RPAP2: variants seen among roughly 807,000 people sequenced by gnomAD.
The protein encoded by RPAP2 is putative RNA polymerase II subunit B1 CTD phosphatase RPAP2.
In RPAP2, 52 loss-of-function variants were observed where a neutral mutation model predicts 73.1. The observed-to-expected ratio is 0.71, with a 90% CI of 0.57 to 0.90. The LOEUF (loss-of-function observed/expected upper bound fraction) is 0.90. Ranked by LOEUF, RPAP2 falls within the 40% of genes least tolerant of loss-of-function variation. The pLI is 0.00. For missense variants in RPAP2, 598 were observed against 701.8 expected (o/e 0.85, Z 1.67); for synonymous variants, 225 against 242.1 (o/e 0.93, Z 0.65).
At chr1:92,377,356 T>C (rs12141318) in intron 11 of RPAP2, among the ~76,000 whole-genome samples, 2,338 of 151,928 alleles carry the variant, frequency 0.015, 35 homozygotes, top group Non-Finnish European at 0.025. Context: ...ACTTCTCTAC[T>C]AAAAATACAA....
chr1:92,379,667 G>A (rs751887701), intron 11 of RPAP2, among the ~76,000 whole-genome samples: 2 of 152,164 alleles, frequency 1.3e-5, no homozygotes, highest in African/African-American at 2.4e-5. Context: ...AGGCGTGGTG[G>A]CTCACGCTTG....
At chr1:92,386,428 A>G (rs1053838231) in intron 12 of RPAP2, among the ~76,000 whole-genome samples, 2 of 152,176 alleles carry the variant, frequency 1.3e-5, no homozygotes, top group African/African-American at 4.8e-5. Flanking sequence ...GGTCATGGGA[A>G]TGCTGTGAGC....
chr1:92,335,688 A>T (rs934482603), intron 9 of RPAP2, among the ~76,000 whole-genome samples: 1 of 152,160 alleles, frequency 6.6e-6, no homozygotes, highest in Non-Finnish European at 1.5e-5. Context: ...ATCTATCATG[A>T]ATATCTTTTT....
chr1:92,358,864 G>C (rs1654610597), intron 11 of RPAP2, among the ~76,000 whole-genome samples: 1 of 152,110 alleles, frequency 6.6e-6, no homozygotes, highest in Non-Finnish European at 1.5e-5. Flanking sequence ...TGGGATTACA[G>C]GTGTGAGCCA....
intron 6 of RPAP2, among the ~76,000 whole-genome samples, chr1:92,316,528 T>A (rs1651914134): frequency 6.6e-6 from 1 of 152,220 alleles, no homozygotes; most frequent in African/African-American, 2.4e-5. Context: ...TAGATTTACT[T>A]TGCTAAAATG....
chr1:92,360,296 G>A (rs527744154), intron 11 of RPAP2, among the ~76,000 whole-genome samples: 11 of 151,792 alleles, frequency 7.2e-5, no homozygotes, highest in African/African-American at 2.7e-4. Context: ...CAATTAGGTG[G>A]TGTGGGTAAC....
At chr1:92,300,881 G>A (rs115340020) in intron 2 of RPAP2, among the ~76,000 whole-genome samples, 2,604 of 152,218 alleles carry the variant, frequency 0.017, 31 homozygotes, top group Non-Finnish European at 0.027. Context: ...TTGCCTAGTG[G>A]AACAGAGGAA....
At chr1:92,345,758 C>T in intron 10 of RPAP2, 88 bp from the exon 11 acceptor site, 1 of 813,176 alleles carries the variant, frequency 1.2e-6, no homozygotes, top group Middle Eastern at 2.8e-4. Flanking sequence ...TTCTTTGGCA[C>T]ATTATTATAA....
In RPAP2 at chr1:92,337,363, G is replaced by C. The variant is rs77837281; in HGVS notation, c.1619+936G>C. Among the ~76,000 whole-genome samples the C allele has an allele frequency of 2.6e-3, 394 of 152,096 alleles. 3 individuals are homozygous for C. Among genetic ancestry groups the C allele is most frequent in the South Asian group, 9.3e-3 (45 of 4,826 alleles). On this transcript the variant is annotated intron_variant, in intron 10 of 12. Transcript: ENST00000610020. The stretch of plus-strand genomic sequence containing the variant: ...ACCTAATAGACATCATTTTAAACTG[G>C]CAAATTTAAAAACATCAGTAACCTT...
intron 3 of RPAP2, among the ~76,000 whole-genome samples, chr1:92,302,371 T>C (rs1650911881): frequency 6.6e-6 from 1 of 151,734 alleles, no homozygotes; most frequent in Non-Finnish European, 1.5e-5. Flanking sequence ...TTACCCTTAG[T>C]CATAGTTCTT....
rs71091273 is a variant in RPAP2, at chr1:92,305,432, C to CAAAAAAAAAAAAAAAAAAAAAAAAAAA, written c.399+1102_399+1103insAAAAAAAAAAAAAAAAAAAAAAAAAAA. On this transcript the variant is annotated intron_variant, in intron 5 of 12. Coordinates refer to ENST00000610020, the MANE Select transcript of RPAP2 (RefSeq NM_024813.3). ...GGGGCAACAGAGTGAGGCTCCGTCT[C>CAAAAAAAAAAAAAAAAAAAAAAAAAAA]AAAAAAAAAAAAAAAAAAAGACAAT... Among the ~76,000 whole-genome samples, 155 of 52,646 alleles carry CAAAAAAAAAAAAAAAAAAAAAAAAAAA rather than the reference C, an allele frequency of 2.9e-3. 5 individuals are homozygous for CAAAAAAAAAAAAAAAAAAAAAAAAAAA. The highest frequency in any genetic ancestry group is 8.3e-3 in the East Asian group (6 of 726). The allele number at this position is 52,646 out of a possible 152,430, so 34.5% of individuals were successfully genotyped here. A position where few individuals can be genotyped will look rare whatever the true frequency, so the allele number is the denominator to read the frequency against.
At chr1:92,344,354 G>A (rs1286196585) in intron 10 of RPAP2, among the ~76,000 whole-genome samples, 2 of 152,150 alleles carry the variant, frequency 1.3e-5, no homozygotes, top group African/African-American at 4.8e-5. Context: ...GCAGTGAGCT[G>A]AGAGCATGCC....
intron 3 of RPAP2, among the ~76,000 whole-genome samples, chr1:92,302,711 C>A (rs937413708): frequency 5.4e-5 from 8 of 147,680 alleles, no homozygotes; most frequent in African/African-American, 2.0e-4. Context: ...ACGCCATTCT[C>A]CTGCCTCAGC....
At chr1:92,364,395 T>G (rs977697776) in intron 11 of RPAP2, among the ~76,000 whole-genome samples, 1 of 151,924 alleles carries the variant, frequency 6.6e-6, no homozygotes, top group Non-Finnish European at 1.5e-5. Context: ...AAAAGTAGAG[T>G]TACCTAGAAA....
At chr1:92,330,007 C>A (rs113994392) in intron 8 of RPAP2, among the ~76,000 whole-genome samples, 2,124 of 152,238 alleles carry the variant, frequency 0.014, 49 homozygotes, top group African/African-American at 0.048. Context: ...CCCTCACCAC[C>A]CCTAGACCTC....
chr1:92,326,073 G>A (rs1462431891), intron 8 of RPAP2, among the ~76,000 whole-genome samples: 15 of 151,672 alleles, frequency 9.9e-5, no homozygotes, highest in South Asian at 2.1e-4. Flanking sequence ...TATCGTATAT[G>A]CATATATGCA....
At position 92,373,770 on chromosome 1, in the gene RPAP2, A is replaced by AT. The variant is rs1557630371; in HGVS notation, c.1689-6954_1689-6953insT. The stretch of plus-strand genomic sequence containing the variant: ...AAAAAAAAAAAAAAAAAAAAAAAAA[A>AT]GTAGCCAGGCGTGGTGGTGGCGCAC... On this transcript the variant is annotated intron_variant, in intron 11 of 12. Coordinates refer to ENST00000610020, the MANE Select transcript of RPAP2 (RefSeq NM_024813.3). Among the ~76,000 whole-genome samples, 5 of 138,398 alleles carry AT rather than the reference A, an allele frequency of 3.6e-5. No individual in the cohort carries two copies. The South Asian group carries it at 6.9e-4, about 19-fold the overall frequency. The allele number at this position is 138,398 out of a possible 152,430, so 90.8% of individuals were successfully genotyped here.
chr1:92,381,652 A>G (rs994933134), intron 12 of RPAP2, among the ~76,000 whole-genome samples: 3 of 151,644 alleles, frequency 2.0e-5, no homozygotes, highest in Non-Finnish European at 4.4e-5. Context: ...TAAAATAAAA[A>G]TTAAGCAATA....
chr1:92,302,066 A>G (rs1452066214), intron 3 of RPAP2, among the ~76,000 whole-genome samples: 1 of 152,192 alleles, frequency 6.6e-6, no homozygotes, highest in Admixed American at 6.5e-5. Flanking sequence ...GGATCACTTG[A>G]GGTCAGGAGT....
Sources: allele counts gnomAD v4.1 joint callset (sites outside exome capture counted in the v4.1 genomes callset), GRCh38; gene constraint gnomAD v4.1.1; transcripts MANE v1.5; gene names NCBI Gene and HGNC (gene_info 2026-07-23, HGNC 2026-07-21).